ATF6: variants seen among roughly 807,000 people sequenced by gnomAD.
The protein encoded by ATF6 is cyclic AMP-dependent transcription factor ATF-6 alpha.
In ATF6, 53 loss-of-function variants were observed where a neutral mutation model predicts 83.6. The observed-to-expected ratio is 0.63, with a 90% CI of 0.51 to 0.80. ATF6 has a LOEUF of 0.80. Ranked by LOEUF, ATF6 falls within the 30% of genes least tolerant of loss-of-function variation. ATF6 has a pLI of 0.00. For synonymous variants in ATF6, 288 were observed against 285.8 expected (o/e 1.01, Z -0.08); for missense variants, 744 against 797.9 (o/e 0.93, Z 0.81).
chr1:161,957,417 T>A (rs1423125480), intron 15 of ATF6, among the ~76,000 whole-genome samples: 1 of 152,196 alleles, frequency 6.6e-6, no homozygotes, highest in Non-Finnish European at 1.5e-5. Flanking sequence ...TGTTCACACA[T>A]CTTTTTACTG....
intron 14 of ATF6, among the ~76,000 whole-genome samples, chr1:161,885,196 AG>A (rs1687396582): frequency 6.6e-6 from 1 of 152,154 alleles, no homozygotes; most frequent in Admixed American, 6.5e-5. Flanking sequence ...TTCTTCTCTC[AG>A]TCAGTTGAAA....
intron 9 of ATF6, among the ~76,000 whole-genome samples, chr1:161,822,299 C>G (rs1250173158): frequency 6.6e-6 from 1 of 152,098 alleles, no homozygotes; most frequent in Non-Finnish European, 1.5e-5. Context: ...AAGAAACTCA[C>G]AGCATATTAG....
At chr1:161,811,778 TCC>T (rs1224169350) in intron 7 of ATF6, among the ~76,000 whole-genome samples, 9 of 145,920 alleles carry the variant, frequency 6.2e-5, no homozygotes, top group Non-Finnish European at 1.4e-4. Context: ...CATCCATCCA[TCC>T]ATCCATCCAT....
intron 14 of ATF6, among the ~76,000 whole-genome samples, chr1:161,877,040 T>G (rs774650918): frequency 6.6e-6 from 1 of 152,098 alleles, no homozygotes; most frequent in African/African-American, 2.4e-5. Context: ...TGTATTTAGA[T>G]AGAAGTTTCA....
chr1:161,850,336 C>T (rs1223816528), intron 10 of ATF6, among the ~76,000 whole-genome samples: 1 of 152,078 alleles, frequency 6.6e-6, no homozygotes, highest in Non-Finnish European at 1.5e-5. Context: ...TTTTAAAGTT[C>T]TTTGAGCCCA....
At chr1:161,832,033 AAC>A (rs1686076901) in intron 9 of ATF6, among the ~76,000 whole-genome samples, 1 of 152,082 alleles carries the variant, frequency 6.6e-6, no homozygotes, top group Non-Finnish European at 1.5e-5. Flanking sequence ...AAAGTCATTA[AAC>A]ACACCAGGAA....
At chr1:161,775,890 A>ATG (rs138776906) in intron 1 of ATF6, among the ~76,000 whole-genome samples, 14,581 of 134,504 alleles carry the variant, frequency 0.11, 1,229 homozygotes, top group East Asian at 0.31. Flanking sequence ...ATATATATAC[A>ATG]TGTGTGTATA....
At chr1:161,898,555 G>T (rs1274327788) in intron 14 of ATF6, among the ~76,000 whole-genome samples, 3 of 145,786 alleles carry the variant, frequency 2.1e-5, no homozygotes, top group African/African-American at 5.0e-5. Flanking sequence ...TTTTGTTTTT[G>T]TTTTTTTTTT....
At chr1:161,806,255 G>A (rs1031374689) in intron 7 of ATF6, among the ~76,000 whole-genome samples, 1 of 152,162 alleles carries the variant, frequency 6.6e-6, no homozygotes, top group Non-Finnish European at 1.5e-5. Context: ...GGGCTATTTA[G>A]TGTTGCCACA....
At chr1:161,789,354 A>G (rs1465585042) in intron 4 of ATF6, among the ~76,000 whole-genome samples, 2 of 137,710 alleles carry the variant, frequency 1.5e-5, no homozygotes, top group Non-Finnish European at 3.0e-5. Context: ...CTTCTACCCT[A>G]TGTTCATGAT....
At chr1:161,931,375 A>G (rs1688429470) in intron 15 of ATF6, among the ~76,000 whole-genome samples, 2 of 152,358 alleles carry the variant, frequency 1.3e-5, no homozygotes, top group South Asian at 4.1e-4. Flanking sequence ...GTTTTTATAT[A>G]TTAAATAGCA....
At chr1:161,828,340 CAAAGT>C (rs764952653) in intron 9 of ATF6, among the ~76,000 whole-genome samples, 24 of 151,944 alleles carry the variant, frequency 1.6e-4, no homozygotes, top group Non-Finnish European at 2.9e-4. Flanking sequence ...CCACTGGAGA[CAAAGT>C]AAGGGCTTCT....
At chr1:161,875,947 G>A (rs1687208374) in intron 14 of ATF6, among the ~76,000 whole-genome samples, 1 of 151,858 alleles carries the variant, frequency 6.6e-6, no homozygotes, top group Admixed American at 6.6e-5. Flanking sequence ...ACTGTGTGTG[G>A]TATGTGCATG....
chr1:161,888,551 T>TA (rs1012935889), intron 14 of ATF6, among the ~76,000 whole-genome samples: 340 of 151,428 alleles, frequency 2.2e-3, no homozygotes, highest in African/African-American at 7.8e-3. Flanking sequence ...TTCCCCAGGT[T>TA]AAAAAAAAAG....
At chr1:161,919,873 G>C (rs915564176) in intron 15 of ATF6, among the ~76,000 whole-genome samples, 5 of 152,204 alleles carry the variant, frequency 3.3e-5, no homozygotes, top group Admixed American at 1.3e-4. Flanking sequence ...GCCAGCACAT[G>C]CAACACATTT....
intron 9 of ATF6, among the ~76,000 whole-genome samples, chr1:161,821,745 T>C (rs1685767973): frequency 6.6e-6 from 1 of 152,166 alleles, no homozygotes; most frequent in South Asian, 2.1e-4. Context: ...AGGTGGAGGG[T>C]AACATAATCA....
intron 14 of ATF6, among the ~76,000 whole-genome samples, chr1:161,899,998 C>T (rs1265664935): frequency 6.6e-6 from 1 of 152,120 alleles, no homozygotes; most frequent in Non-Finnish European, 1.5e-5. Context: ...CTCCATGTGT[C>T]TGCACAGGTT....
intron 1 of ATF6, among the ~76,000 whole-genome samples, chr1:161,774,113 T>G (rs1233071278): frequency 3.9e-5 from 6 of 152,222 alleles, no homozygotes; most frequent in Admixed American, 2.0e-4. Flanking sequence ...AAATGTTTAT[T>G]TTTAAAAAGC....
At chr1:161,883,081 AACAG>A (rs1207981268) in intron 14 of ATF6, among the ~76,000 whole-genome samples, 4 of 151,996 alleles carry the variant, frequency 2.6e-5, no homozygotes, top group Admixed American at 2.0e-4. Flanking sequence ...ATCACCCATA[AACAG>A]ACAGAAAATT....
Sources: gnomAD v4.1 joint callset for allele counts (sites outside exome capture counted in the v4.1 genomes callset) on GRCh38, gnomAD v4.1.1 for gene constraint, MANE v1.5 for transcripts, NCBI Gene and HGNC (gene_info 2026-07-23, HGNC 2026-07-21) for gene names.